The following FREM1 variants were observed in gnomAD, a reference collection of about 807,000 sequenced individuals.
FREM1 encodes FRAS1-related extracellular matrix protein 1.
FREM1 carries 220 observed loss-of-function variants against 210.1 expected under a neutral mutation model. The ratio of observed to expected loss-of-function variants is 1.05; its 90% CI spans 0.94 to 1.17. FREM1 has a LOEUF of 1.17. Among genes scored for constraint, FREM1 ranks in the 50% most tolerant of loss-of-function variants. The pLI, the probability that FREM1 is intolerant of heterozygous loss-of-function variation, is 0.00. For synonymous variants in FREM1, 1,189 were observed against 980.2 expected (o/e 1.21, Z -3.98); for missense variants, 3,454 against 2,675.5 (o/e 1.29, Z -6.42).
chr9:14,797,652 G>A lies in FREM1; in HGVS notation c.3695-10C>T, dbSNP rs1189661555. Reference sequence around the variant, plus strand: ...TACGTCAACCTCATTCCTGGAAGAAGGAAAAAAAATAAGTAAATCTTCCTT... The same window carrying A: ...TACGTCAACCTCATTCCTGGAAGAAAGAAAAAAAATAAGTAAATCTTCCTT... On this transcript the variant is annotated splice_polypyrimidine_tract_variant and intron_variant, in intron 20 of 36. Transcript: ENST00000380880. 8 of 1,596,306 alleles carry A rather than the reference G, an allele frequency of 5.0e-6. No individual in the cohort carries two copies. Among genetic ancestry groups the A allele is most frequent in the African/African-American group, 2.7e-5 (2 of 74,120 alleles).
Position 14,769,805 on chromosome 9 carries a change from A to G in FREM1, c.5123T>C (p.Ile1708Thr), listed in dbSNP as rs200472299. 150 of 1,609,942 alleles carry G rather than the reference A, an allele frequency of 9.3e-5. No homozygotes were observed. The African/African-American group carries it at 1.8e-3, about 19-fold the overall frequency. Residue 1708 changes from isoleucine (I) to threonine (T), a missense_variant, in exon 27 of 37, where the codon ATA becomes ACA. By Grantham distance (89) the Ile-to-Thr change is moderately conservative. Coordinates refer to ENST00000380880, the MANE Select transcript of FREM1 (RefSeq NM_001379081.2). Reference protein sequence around the residue: ...DLNSKTILYIINPSLEVNSDT... With the variant: ...DLNSKTILYITNPSLEVNSDT... ...TGAATTTACTTCCAAAGATGGGTTT[A>G]TGATGTAAAGAATAGTCTTACTGTT...
chr9:14,824,121 G>T lies in FREM1; in HGVS notation c.2079-6C>A, dbSNP rs1341665319. 3 of 1,531,154 alleles carry T rather than the reference G, an allele frequency of 2.0e-6. No individual in the cohort carries two copies. The Admixed American group carries it at 5.6e-5, about 29-fold the overall frequency. 94.8% of individuals were successfully genotyped at this position (1,531,154 alleles called of 1,614,324 possible). On this transcript the variant is annotated splice_polypyrimidine_tract_variant and splice_region_variant and intron_variant, in intron 11 of 36. Transcript: ENST00000380880. ...ATTTCCCAGCATCCAAGTGTCTAAA[G>T]AGAAATACAGAGGAGCACATCAGCT...
intron 1 of FREM1, among the ~76,000 whole-genome samples, chr9:14,904,604 A>T (rs914387481): frequency 1.3e-5 from 2 of 152,218 alleles, no homozygotes; most frequent in Non-Finnish European, 2.9e-5. Flanking sequence ...CAGGGTGCAG[A>T]ACCAGGGAGA....
In FREM1 at chr9:14,812,806, G is replaced by C. The variant is rs777767462; in HGVS notation, c.2893+6C>G. The C allele has an allele frequency of 1.2e-5, 19 of 1,599,128 alleles. No individual in the cohort carries two copies. Among genetic ancestry groups the C allele is most frequent in the Admixed American group, 1.7e-5 (1 of 59,490 alleles). On this transcript the variant is annotated splice_donor_region_variant and intron_variant, in intron 16 of 36. Transcript: ENST00000380880. ...TTCCCTCACTGGTCACCATGCTGCT[G>C]CTTACCTGTGTGTTTGTATGTCACG...
At position 14,801,832 on chromosome 9, in the gene FREM1, T is replaced by G; in HGVS notation, c.3514A>C (p.Ser1172Arg). 6.2e-7 allele frequency: 1 copy of G among 1,613,920 alleles called. No individual in the cohort carries two copies. The highest frequency in any genetic ancestry group is 8.5e-7 in the Non-Finnish European group (1 of 1,179,872). The change falls in exon 20 of 37, where the codon AGC (serine) becomes CGC (arginine). Residue 1172 changes from serine to arginine, a missense_variant. Transcript: ENST00000380880. ...QMKELDSSII[S>R]AVDLDIPQDA... ...TGGGGAATGTCCAGGTCCACAGCGC[T>G]GATGATGGAAGAGTCCAGCTCTTTC...
intron 1 of FREM1, among the ~76,000 whole-genome samples, chr9:14,876,323 G>A (rs1156668735): frequency 6.6e-6 from 1 of 152,126 alleles, no homozygotes; most frequent in Non-Finnish European, 1.5e-5. Flanking sequence ...AGCTGTGGTG[G>A]GCTCCACGCA....
chr9:14,802,802 G>T (rs896699756), intron 19 of FREM1, among the ~76,000 whole-genome samples: 5 of 152,132 alleles, frequency 3.3e-5, no homozygotes, highest in Non-Finnish European at 7.3e-5. Flanking sequence ...CCCAAGTCAG[G>T]TAAGACTGCA....
intron 35 of FREM1, 73 bp downstream of exon 35, chr9:14,746,280 T>C: frequency 9.0e-7 from 1 of 1,105,930 alleles, no homozygotes; most frequent in Non-Finnish European, 1.4e-6. Flanking sequence ...ATGAAGCAGC[T>C]CTCCGCTTCC....
At chr9:14,885,269 C>T (rs1184059050) in intron 1 of FREM1, among the ~76,000 whole-genome samples, 2 of 152,034 alleles carry the variant, frequency 1.3e-5, no homozygotes, top group Non-Finnish European at 2.9e-5. Flanking sequence ...GTAGTTATCA[C>T]CATTTGACTA....
At chr9:14,844,458 C>G (rs1050612953) in intron 8 of FREM1, among the ~76,000 whole-genome samples, 2 of 152,126 alleles carry the variant, frequency 1.3e-5, no homozygotes, top group African/African-American at 4.8e-5. Context: ...CTCCTGACCT[C>G]AAGTGATCTG....
intron 6 of FREM1, chr9:14,850,472 G>C (rs966310827): frequency 6.6e-6 from 1 of 152,168 alleles, no homozygotes; most frequent in African/African-American, 2.4e-5. Flanking sequence ...GAATGCTACA[G>C]AGAAGATTAG....
At chr9:14,854,464 G>A (rs1828352971) in intron 5 of FREM1, among the ~76,000 whole-genome samples, 1 of 152,036 alleles carries the variant, frequency 6.6e-6, no homozygotes, top group South Asian at 2.1e-4. Flanking sequence ...GGAAAAAGCA[G>A]AGAGACCACA....
intron 20 of FREM1, among the ~76,000 whole-genome samples, chr9:14,799,307 GA>G (rs1297426352): frequency 2.0e-5 from 3 of 151,386 alleles, no homozygotes; most frequent in African/African-American, 7.3e-5. Context: ...AAGGTAAGAA[GA>G]AAAACAGATT....
chr9:14,884,739 A>C (rs1835456889), intron 1 of FREM1, among the ~76,000 whole-genome samples: 1 of 152,110 alleles, frequency 6.6e-6, no homozygotes, highest in Non-Finnish European at 1.5e-5. Flanking sequence ...TCAGCTGTAC[A>C]GCTCTCAATG....
intron 21 of FREM1, among the ~76,000 whole-genome samples, chr9:14,796,747 A>G (rs1168410124): frequency 6.6e-6 from 1 of 152,116 alleles, no homozygotes; most frequent in Non-Finnish European, 1.5e-5. Context: ...TACCATGTGA[A>G]GAAGGATGTG....
At chr9:14,752,008 TATA>T (rs908930369) in intron 29 of FREM1, among the ~76,000 whole-genome samples, 2 of 150,252 alleles carry the variant, frequency 1.3e-5, no homozygotes, top group African/African-American at 4.9e-5. Flanking sequence ...ATCTAGTATG[TATA>T]ATAATACCAT....
chr9:14,760,719 A>C (rs973025925), intron 27 of FREM1, among the ~76,000 whole-genome samples: 2 of 152,168 alleles, frequency 1.3e-5, no homozygotes, highest in African/African-American at 4.8e-5. Context: ...TTCAAGCATA[A>C]ATCTAATGCC....
At chr9:14,798,507 G>A (rs1459430197) in intron 20 of FREM1, among the ~76,000 whole-genome samples, 1 of 152,006 alleles carries the variant, frequency 6.6e-6, no homozygotes, top group South Asian at 2.1e-4. Flanking sequence ...TGCTCAAGAG[G>A]CTCAGGCAGG....
chr9:14,820,035 A>G (rs1821009263), intron 13 of FREM1, among the ~76,000 whole-genome samples: 2 of 152,222 alleles, frequency 1.3e-5, no homozygotes, highest in Non-Finnish European at 2.9e-5. Context: ...CCACAAAGAT[A>G]ATTTGCTATA....
Sources: allele counts gnomAD v4.1 joint callset (sites outside exome capture counted in the v4.1 genomes callset), GRCh38; gene constraint gnomAD v4.1.1; transcripts MANE v1.5; gene names NCBI Gene and HGNC (gene_info 2026-07-23, HGNC 2026-07-21).